ROBO2: variants seen among roughly 807,000 people sequenced by gnomAD.
ROBO2 encodes roundabout guidance receptor 2, also known as roundabout homolog 2.
A neutral mutation model predicts 160.8 loss-of-function variants in ROBO2; 53 were observed. The ratio of observed to expected loss-of-function variants is 0.33; its 90% CI spans 0.26 to 0.41. The LOEUF is 0.41. Among genes scored for constraint, ROBO2 ranks in the 10% least tolerant of loss-of-function variants. ROBO2 has a pLI of 1.00. For synonymous variants in ROBO2, 664 were observed against 611.7 expected (o/e 1.09, Z -1.26); for missense variants, 1,577 against 1,722.4 (o/e 0.92, Z 1.49).
intron 2 of ROBO2, among the ~76,000 whole-genome samples, chr3:76,137,577 A>G (rs963155973): frequency 1.3e-5 from 2 of 151,710 alleles, no homozygotes; most frequent in Non-Finnish European, 2.9e-5. Flanking sequence ...AGTAATGTTC[A>G]TGTAAAATTA....
At chr3:75,997,441 A>C (rs2065760291) in intron 2 of ROBO2, among the ~76,000 whole-genome samples, 1 of 151,780 alleles carries the variant, frequency 6.6e-6, no homozygotes, top group African/African-American at 2.4e-5. Flanking sequence ...GGTGTGTCTG[A>C]GAACTGTGAA....
chr3:76,829,955 A>T (rs1015287470), intron 2 of ROBO2, among the ~76,000 whole-genome samples: 5 of 152,212 alleles, frequency 3.3e-5, no homozygotes, highest in Non-Finnish European at 5.9e-5. Flanking sequence ...GGCGTAAGCC[A>T]CCGTACCCAG....
At chr3:76,721,244 C>T (rs1310582198) in intron 2 of ROBO2, among the ~76,000 whole-genome samples, 1 of 149,028 alleles carries the variant, frequency 6.7e-6, no homozygotes, top group African/African-American at 2.5e-5. Flanking sequence ...CTAACTTCTA[C>T]ATAAAACATT....
At chr3:77,336,284 A>G (rs1019840991) in intron 2 of ROBO2, among the ~76,000 whole-genome samples, 1 of 152,300 alleles carries the variant, frequency 6.6e-6, no homozygotes, top group Middle Eastern at 3.4e-3. Context: ...AGTCAGACAG[A>G]AGGCAGAGTG....
intron 2 of ROBO2, among the ~76,000 whole-genome samples, chr3:76,518,651 A>G (rs961798383): frequency 6.6e-6 from 1 of 152,186 alleles, no homozygotes; most frequent in African/African-American, 2.4e-5. Context: ...AAAAACAAAT[A>G]TATAGCTATG....
intron 2 of ROBO2, among the ~76,000 whole-genome samples, chr3:76,552,715 G>A: frequency 6.6e-6 from 1 of 152,162 alleles, no homozygotes; most frequent in Non-Finnish European, 1.5e-5. Flanking sequence ...CTATATTTGA[G>A]TGGACCCCAG....
At chr3:77,088,035 T>C (rs1012119903) in intron 1 of ROBO2, among the ~76,000 whole-genome samples, 1 of 152,134 alleles carries the variant, frequency 6.6e-6, no homozygotes, top group Non-Finnish European at 1.5e-5. Context: ...GGGGCCCACT[T>C]GCTCAGACAG....
intron 2 of ROBO2, among the ~76,000 whole-genome samples, chr3:76,274,665 C>T (rs1212101750): frequency 3.3e-5 from 5 of 151,658 alleles, no homozygotes; most frequent in African/African-American, 1.2e-4. Flanking sequence ...GGTGAAACCC[C>T]GTCTCTACTA....
intron 2 of ROBO2, among the ~76,000 whole-genome samples, chr3:76,050,155 C>T (rs949905393): frequency 6.6e-6 from 1 of 152,170 alleles, no homozygotes; most frequent in Non-Finnish European, 1.5e-5. Context: ...CACCCTCAAT[C>T]TGGGTGGGCA....
intron 2 of ROBO2, among the ~76,000 whole-genome samples, chr3:76,595,172 T>A (rs1474317481): frequency 6.6e-6 from 1 of 152,018 alleles, no homozygotes; most frequent in Non-Finnish European, 1.5e-5. Context: ...GAATTTTTGT[T>A]GTTTAAGTCA....
At chr3:76,012,640 C>T (rs2066227388) in intron 2 of ROBO2, among the ~76,000 whole-genome samples, 1 of 151,626 alleles carries the variant, frequency 6.6e-6, no homozygotes, top group South Asian at 2.1e-4. Context: ...TTCCCGTTAG[C>T]CAAATAAATA....
chr3:77,409,864 C>A (rs1056205337), intron 2 of ROBO2, among the ~76,000 whole-genome samples: 7 of 152,150 alleles, frequency 4.6e-5, no homozygotes, highest in African/African-American at 1.4e-4. Context: ...TACACACATA[C>A]ACACACACCC....
intron 2 of ROBO2, among the ~76,000 whole-genome samples, chr3:77,430,900 T>C (rs2078701576): frequency 6.6e-6 from 1 of 152,224 alleles, no homozygotes; most frequent in Non-Finnish European, 1.5e-5. Flanking sequence ...TGCTAAACTT[T>C]TGTGCCTGTA....
chr3:77,040,130 C>T (rs1256729310), exon 1 of ROBO2: 1 of 982,380 alleles, frequency 1.0e-6, no homozygotes, highest in Non-Finnish European at 1.2e-6. Flanking sequence ...CCCGAATCGT[C>T]CTGATTTCCC....
intron 2 of ROBO2, among the ~76,000 whole-genome samples, chr3:76,058,006 G>A (rs1033472818): frequency 1.3e-5 from 2 of 152,172 alleles, no homozygotes; most frequent in African/African-American, 4.8e-5. Flanking sequence ...AATGGAACAT[G>A]AGTGAGGTAG....
At chr3:75,971,463 T>C (rs2064990164) in intron 2 of ROBO2, among the ~76,000 whole-genome samples, 1 of 151,532 alleles carries the variant, frequency 6.6e-6, no homozygotes, top group Non-Finnish European at 1.5e-5. Flanking sequence ...GGCAAAACTT[T>C]GGTCAAGCAA....
chr3:77,343,759 T>G (rs1385642338), intron 2 of ROBO2, among the ~76,000 whole-genome samples: 2 of 152,132 alleles, frequency 1.3e-5, no homozygotes, highest in Non-Finnish European at 2.9e-5. Flanking sequence ...GAGATTGAGT[T>G]TGACAGTTGA....
chr3:77,564,685 G>A (rs1389838786), intron 11 of ROBO2: 4 of 534,658 alleles, frequency 7.5e-6, no homozygotes, highest in African/African-American at 1.9e-5. Flanking sequence ...TCATTTAGTG[G>A]GCTGCTGTGC....
At chr3:77,420,454 T>A (rs531892544) in intron 2 of ROBO2, among the ~76,000 whole-genome samples, 1 of 152,268 alleles carries the variant, frequency 6.6e-6, no homozygotes, top group South Asian at 2.1e-4. Flanking sequence ...AGGGACTGGC[T>A]CTACCAATCA....
Sources: allele counts gnomAD v4.1 joint callset (sites outside exome capture counted in the v4.1 genomes callset), GRCh38; gene constraint gnomAD v4.1.1; transcripts MANE v1.5; gene names NCBI Gene and HGNC (gene_info 2026-07-23, HGNC 2026-07-21).